The following ATP13A3 variants were observed in gnomAD, a reference collection of about 807,000 sequenced individuals.
ATP13A3 encodes the protein ATPase 13A3.
ATP13A3 carries 59 observed loss-of-function variants against 158.1 expected under a neutral mutation model. The observed-to-expected ratio is 0.37, with a 90% CI of 0.30 to 0.46. The LOEUF (loss-of-function observed/expected upper bound fraction) is 0.46, where lower values mean the gene tolerates loss of function less well. ATP13A3 is among the 20% of genes least tolerant of loss of function. The pLI is 1.00. For missense variants in ATP13A3, 1,166 were observed against 1,525.2 expected, an observed-to-expected ratio of 0.76 and a Z score of 3.92; for synonymous variants, 491 against 504.3, an observed-to-expected ratio of 0.97 and a Z score of 0.35.
intron 2 of ATP13A3, among the ~76,000 whole-genome samples, chr3:194,465,414 T>C (rs966025453): frequency 3.3e-5 from 5 of 152,128 alleles, no homozygotes; most frequent in African/African-American, 1.2e-4. Flanking sequence ...TCAGCACTTG[T>C]GTGTGAAGAA....
intron 2 of ATP13A3, among the ~76,000 whole-genome samples, chr3:194,477,140 T>C (rs1041339290): frequency 2.6e-5 from 4 of 152,150 alleles, no homozygotes; most frequent in African/African-American, 9.7e-5. Context: ...AGAATGCCCT[T>C]CTCTTAGTCT....
intron 14 of ATP13A3, 76 bp downstream of exon 14, chr3:194,446,851 G>T: frequency 7.3e-7 from 1 of 1,361,724 alleles, no homozygotes; most frequent in Non-Finnish European, 9.9e-7. Context: ...TGTTGACAAA[G>T]AAAATAAAAA....
At chr3:194,446,136 A>G (rs1160392746) in intron 14 of ATP13A3, among the ~76,000 whole-genome samples, 1 of 152,216 alleles carries the variant, frequency 6.6e-6, no homozygotes, top group African/African-American at 2.4e-5. Context: ...CTTTGAGCAA[A>G]TAAGCAATAT....
At chr3:194,410,507 TACAGTGAGCCATGATCACGCCACTG>T (rs1234560118) in intron 33 of ATP13A3, among the ~76,000 whole-genome samples, 1 of 151,768 alleles carries the variant, frequency 6.6e-6, no homozygotes, top group East Asian at 1.9e-4. Flanking sequence ...AGCTCGAGGC[TACAGTGAGCCATGATCACGCCACTG>T]CACTCCAGCC....
At chr3:194,474,429 G>A (rs1218272792) in intron 2 of ATP13A3, among the ~76,000 whole-genome samples, 1 of 152,126 alleles carries the variant, frequency 6.6e-6, no homozygotes, top group East Asian at 1.9e-4. Flanking sequence ...GCTGGAAATA[G>A]GAGTATGTTA....
In ATP13A3 at chr3:194,486,966, G is replaced by C. The variant is rs957036849; in HGVS notation, c.-489C>G. ...GCCCGATCACGCTGCGGGGAGAGCC[G>C]GCAGGCAGGCGGGGGAGCGCGCGCG... is the stretch of plus-strand genomic sequence containing the variant. On this transcript the variant is annotated 5_prime_UTR_variant, in exon 1 of 34. Transcript: ENST00000645319. 1 of 152,128 alleles carries C rather than the reference G, an allele frequency of 6.6e-6. No individual in the cohort carries two copies. Among genetic ancestry groups the C allele is most frequent in the Non-Finnish European group, 1.5e-5 (1 of 68,040 alleles). The allele number at this position is 152,128 out of a possible 1,614,324, so 9.4% of individuals were successfully genotyped here.
intron 22 of ATP13A3, 91 bp from the exon 23 acceptor site, chr3:194,431,317 C>A (rs1717203636): frequency 7.2e-7 from 1 of 1,380,594 alleles, no homozygotes; most frequent in South Asian, 1.5e-5. Flanking sequence ...AAACTGAATT[C>A]TTTCATTTGA....
At chr3:194,463,357 A>G (rs1719790281) in intron 2 of ATP13A3, among the ~76,000 whole-genome samples, 1 of 151,740 alleles carries the variant, frequency 6.6e-6, no homozygotes, top group Non-Finnish European at 1.5e-5. Flanking sequence ...TGCAAGATGT[A>G]AAACGATGCC....
chr3:194,419,207 G>A (rs547971693), intron 31 of ATP13A3, among the ~76,000 whole-genome samples: 1 of 152,264 alleles, frequency 6.6e-6, no homozygotes, highest in South Asian at 2.1e-4. Context: ...ACATTTTCAT[G>A]AAGTTCAAGA....
At chr3:194,441,689 C>T (rs1376174553) in intron 15 of ATP13A3, among the ~76,000 whole-genome samples, 1 of 152,044 alleles carries the variant, frequency 6.6e-6, no homozygotes, top group African/African-American at 2.4e-5. Flanking sequence ...AGGGGGCCAT[C>T]TCAGTAAACT....
At position 194,486,734 on chromosome 3, in the gene ATP13A3, G is replaced by A. The variant is rs1489722534; in HGVS notation, c.-257C>T. On this transcript the variant is annotated 5_prime_UTR_variant, in exon 1 of 34. Transcript: ENST00000645319. ...CGCCGCGCGCTGCGGCTCAGGGTGA[G>A]GGAAGGAGGCGCCGCGGCGGGGCCG... 2 of 150,434 alleles carry A rather than the reference G, an allele frequency of 1.3e-5. No homozygotes were observed. Among genetic ancestry groups the A allele is most frequent in the Non-Finnish European group, 1.5e-5 (1 of 67,424 alleles). The allele number at this position is 150,434 out of a possible 1,614,324, so 9.3% of individuals were successfully genotyped here. A position where few individuals can be genotyped will look rare whatever the true frequency, so the allele number is the denominator to read the frequency against.
In ATP13A3 at chr3:194,437,232, G is replaced by C; in HGVS notation, c.2000-17C>G. ...CGACAGGAACTTTTTAAAAGAAAGA[G>C]TAAATTTCATTGTTAGAGTTGCTAA... On this transcript the variant is annotated splice_polypyrimidine_tract_variant and intron_variant, in intron 19 of 33. Coordinates refer to ENST00000645319, the MANE Select transcript of ATP13A3 (RefSeq NM_001367549.1). 1 of 1,613,900 alleles carries C rather than the reference G, an allele frequency of 6.2e-7. No homozygotes were observed. The highest frequency in any genetic ancestry group is 8.5e-7 in the Non-Finnish European group (1 of 1,179,914).
intron 2 of ATP13A3, among the ~76,000 whole-genome samples, chr3:194,478,110 G>C (rs1434725561): frequency 6.6e-6 from 1 of 152,066 alleles, no homozygotes; most frequent in Non-Finnish European, 1.5e-5. Flanking sequence ...TAATTTTTCA[G>C]ATAAATCTGT....
chr3:194,416,280 A>C (rs1715845484), intron 31 of ATP13A3, among the ~76,000 whole-genome samples: 2 of 152,136 alleles, frequency 1.3e-5, no homozygotes, highest in African/African-American at 4.8e-5. Context: ...CAGATGGTGA[A>C]ATCCCATCTC....
chr3:194,405,931 G>T lies in ATP13A3; in HGVS notation c.3759C>A (p.Ile1253=). The stretch of plus-strand genomic sequence containing the variant: ...GACTGATTCACTGCTATGTTATGGT[G>T]ATGATTTGACATGATCCATTCTCCT... ...LVKENGSCQI[I]TIT The change falls in exon 34 of 34, where the codon ATC becomes ATA. Residue 1253 remains isoleucine (I), a synonymous_variant. Coordinates refer to ENST00000645319, the MANE Select transcript of ATP13A3 (RefSeq NM_001367549.1). 6.2e-7 allele frequency: 1 copy of T among 1,613,972 alleles called. No homozygotes were observed. The highest frequency in any genetic ancestry group is 8.5e-7 in the Non-Finnish European group (1 of 1,179,940).
rs895186447 is a variant in ATP13A3 at position 194,419,665 on chromosome 3, G to A, written c.3402+214C>T. 3 of 600,894 alleles carry A rather than the reference G, an allele frequency of 5.0e-6. No individual in the cohort carries two copies. The African/African-American group carries it at 6.1e-5, about 12-fold the overall frequency. The allele number at this position is 600,894 out of a possible 1,614,324, so 37.2% of individuals were successfully genotyped here. A position where few individuals can be genotyped will look rare whatever the true frequency, so the allele number is the denominator to read the frequency against. The stretch of plus-strand genomic sequence containing the variant: ...TTAAAGACCAAGGGCTATTTAATTT[G>A]TTTGCAGACAAATGAAAACGGCACC... On this transcript the variant is annotated intron_variant, in intron 31 of 33. Transcript: ENST00000645319.
intron 33 of ATP13A3, among the ~76,000 whole-genome samples, chr3:194,406,381 A>G (rs942886290): frequency 6.6e-6 from 1 of 152,224 alleles, no homozygotes; most frequent in Non-Finnish European, 1.5e-5. Context: ...CCTGGGCAAC[A>G]CAACGAAATG....
chr3:194,473,281 A>C (rs1720387528), intron 2 of ATP13A3, among the ~76,000 whole-genome samples: 1 of 152,220 alleles, frequency 6.6e-6, no homozygotes, highest in Non-Finnish European at 1.5e-5. Flanking sequence ...ATAAAACACA[A>C]AACAAATGAT....
upstream of ATP13A3, chr3:194,488,074 C>A (rs1443750022): frequency 6.6e-6 from 1 of 152,440 alleles, no homozygotes; most frequent in African/African-American, 2.4e-5. The surrounding 1 kb of genome is among the most constrained non-coding windows in gnomAD (Gnocchi z 4.1). Flanking sequence ...CACCCCTGGT[C>A]CCCTAGATTG....
Sources: gnomAD v4.1 joint callset for allele counts (sites outside exome capture counted in the v4.1 genomes callset) on GRCh38, gnomAD v4.1.1 for gene constraint, Gnocchi (gnomAD v3.1) non-coding constraint, MANE v1.5 for transcripts, NCBI Gene and HGNC (gene_info 2026-07-23, HGNC 2026-07-21) for gene names.